EYS: variants seen among roughly 807,000 people sequenced by gnomAD.
The protein encoded by EYS is EGF-like photoreceptor maintenance factor.
In EYS, 250 loss-of-function variants were observed where a neutral mutation model predicts 282.1. The observed-to-expected ratio is 0.89, with a 90% CI of 0.80 to 0.98. EYS has a LOEUF of 0.98. Among genes scored for constraint, EYS ranks in the 50% least tolerant of loss-of-function variants. EYS has a pLI of 0.00. For missense variants in EYS, 4,016 were observed against 3,709.0 expected (o/e 1.08, Z -2.15); for synonymous variants, 1,355 against 1,282.9 (o/e 1.06, Z -1.20).
chr6:65,180,364 G>T (rs1277272129), intron 12 of EYS, among the ~76,000 whole-genome samples: 1 of 152,008 alleles, frequency 6.6e-6, no homozygotes, highest in Non-Finnish European at 1.5e-5. Context: ...AAAGTCTCAG[G>T]ATACAAAATC....
intron 35 of EYS, among the ~76,000 whole-genome samples, chr6:63,919,312 C>CTTTTTTTTTTTT (rs562177760): frequency 2.0e-5 from 1 of 49,364 alleles, no homozygotes; most frequent in Non-Finnish European, 3.4e-5. Context: ...AGGGAACAGA[C>CTTTTTTTTTTTT]TTTTTTTTTT....
rs531079979 is a variant in EYS, at chr6:64,323,436, G to A, written c.6079-16354C>T. On this transcript the variant is annotated intron_variant, in intron 29 of 42. Transcript: ENST00000503581. Reference sequence around the variant, plus strand: ...TATACATCGCTTGATTCGCCTTTGGGTTGTTTCCATTTTTGGCTAGTGTGA... The same window carrying A: ...TATACATCGCTTGATTCGCCTTTGGATTGTTTCCATTTTTGGCTAGTGTGA... 5.3e-5 allele frequency among the ~76,000 whole-genome samples: 8 copies of A among 152,150 alleles called. 1 individual carries two copies. The South Asian group carries it at 6.2e-4, about 12-fold the overall frequency.
intron 26 of EYS, among the ~76,000 whole-genome samples, chr6:64,461,662 T>G (rs1198462718): frequency 2.0e-5 from 3 of 152,178 alleles, no homozygotes; most frequent in Non-Finnish European, 4.4e-5. Context: ...CACATTTATA[T>G]TACTGAAAGC....
intron 12 of EYS, among the ~76,000 whole-genome samples, chr6:65,081,574 A>G (rs1055256050): frequency 6.6e-6 from 1 of 152,112 alleles, no homozygotes; most frequent in African/African-American, 2.4e-5. Flanking sequence ...TTCACTAAAA[A>G]ACTGAGAAAT....
At chr6:64,754,144 C>T (rs1475541195) in intron 22 of EYS, among the ~76,000 whole-genome samples, 1 of 151,910 alleles carries the variant, frequency 6.6e-6, no homozygotes, top group Non-Finnish European at 1.5e-5. Context: ...ATGCTTACAT[C>T]AAAAAGATAC....
chr6:63,889,671 CA>C (rs1773358774), intron 35 of EYS, among the ~76,000 whole-genome samples: 1 of 151,988 alleles, frequency 6.6e-6, no homozygotes, highest in African/African-American at 2.4e-5. Context: ...AGAAACAAAC[CA>C]AAATGTAAAG....
intron 35 of EYS, among the ~76,000 whole-genome samples, chr6:63,963,780 T>A (rs970556078): frequency 3.9e-5 from 6 of 152,186 alleles, no homozygotes; most frequent in African/African-American, 1.4e-4. Flanking sequence ...TAGCTTTAAT[T>A]TCATTTAAAT....
At chr6:63,842,442 CT>C (rs1771985718) in intron 36 of EYS, among the ~76,000 whole-genome samples, 1 of 152,182 alleles carries the variant, frequency 6.6e-6, no homozygotes, top group African/African-American at 2.4e-5. Context: ...CCTTCACCCA[CT>C]TTTTGATGGG....
intron 12 of EYS, among the ~76,000 whole-genome samples, chr6:65,224,798 T>A (rs752401701): frequency 3.9e-5 from 6 of 152,102 alleles, no homozygotes; most frequent in Admixed American, 3.3e-4. Flanking sequence ...TCTATGCCAA[T>A]AATTTATATA....
At chr6:63,940,500 G>T (rs1256917360) in intron 35 of EYS, among the ~76,000 whole-genome samples, 1 of 152,144 alleles carries the variant, frequency 6.6e-6, no homozygotes, top group African/African-American at 2.4e-5. Context: ...GCAAAAGGAA[G>T]GTGATGGATC....
chr6:65,465,822 A>AT (rs1764979279), intron 5 of EYS, among the ~76,000 whole-genome samples: 1 of 152,070 alleles, frequency 6.6e-6, no homozygotes, highest in African/African-American at 2.4e-5. Flanking sequence ...ACTCTACAAA[A>AT]TTTTTTAAAT....
intron 28 of EYS, among the ~76,000 whole-genome samples, chr6:64,424,649 G>C (rs749731747): frequency 2.6e-5 from 4 of 152,090 alleles, no homozygotes; most frequent in African/African-American, 9.7e-5. Flanking sequence ...CCTGCCCACC[G>C]TTGAATCTCA....
chr6:65,677,065 T>C (rs1248587527), intron 1 of EYS, among the ~76,000 whole-genome samples: 3 of 81,990 alleles, frequency 3.7e-5, no homozygotes, highest in African/African-American at 1.4e-4. Context: ...ACGATGAAGG[T>C]AAAATATGTA....
intron 31 of EYS, among the ~76,000 whole-genome samples, chr6:64,129,230 A>G (rs1244691276): frequency 1.3e-5 from 2 of 152,228 alleles, no homozygotes; most frequent in African/African-American, 4.8e-5. Flanking sequence ...ACTAGTTTAC[A>G]GTCCCACCAA....
At chr6:64,656,599 T>C (rs1768755429) in intron 22 of EYS, among the ~76,000 whole-genome samples, 1 of 152,122 alleles carries the variant, frequency 6.6e-6, no homozygotes, top group African/African-American at 2.4e-5. Flanking sequence ...AGTGGGTGCT[T>C]AGAGGTTATT....
At chr6:64,892,847 AT>A (rs1453790154) in intron 18 of EYS, among the ~76,000 whole-genome samples, 1 of 152,054 alleles carries the variant, frequency 6.6e-6, no homozygotes. Context: ...GAGTAAACAG[AT>A]TTTTGTCTTT....
intron 31 of EYS, among the ~76,000 whole-genome samples, chr6:64,161,028 A>T (rs370237282): frequency 6.6e-6 from 1 of 152,218 alleles, no homozygotes; most frequent in Non-Finnish European, 1.5e-5. Context: ...TCATTAAAAA[A>T]TCTGTATAAG....
intron 26 of EYS, among the ~76,000 whole-genome samples, chr6:64,502,227 T>TG (rs1554168318): frequency 6.7e-6 from 1 of 149,208 alleles, no homozygotes; most frequent in African/African-American, 2.5e-5. Flanking sequence ...GCTGGTTTTT[T>TG]TTTTGTTTTG....
At chr6:63,780,237 T>A (rs1332935296) in intron 39 of EYS, among the ~76,000 whole-genome samples, 1 of 152,126 alleles carries the variant, frequency 6.6e-6, no homozygotes, top group African/African-American at 2.4e-5. Context: ...TAGCAGCATG[T>A]TTTATAATCC....
Sources: gnomAD v4.1 joint callset for allele counts (sites outside exome capture counted in the v4.1 genomes callset) on GRCh38, gnomAD v4.1.1 for gene constraint, MANE v1.5 for transcripts, NCBI Gene and HGNC (gene_info 2026-07-23, HGNC 2026-07-21) for gene names.